XKR4: variants seen among roughly 807,000 people sequenced by gnomAD.
XKR4 encodes XK related 4.
In XKR4, 12 loss-of-function variants were observed where a neutral mutation model predicts 53.9. The ratio of observed to expected loss-of-function variants is 0.22; its 90% CI spans 0.14 to 0.36. The LOEUF (loss-of-function observed/expected upper bound fraction) is 0.36. Among genes scored for constraint, XKR4 ranks in the 10% least tolerant of loss-of-function variants. The probability of loss-of-function intolerance (pLI) is 1.00; values close to 1 mark genes in which losing one functional copy is unlikely to be tolerated. For missense variants in XKR4, 799 were observed against 859.5 expected, an observed-to-expected ratio of 0.93 and a Z score of 0.88; for synonymous variants, 354 against 362.4, an observed-to-expected ratio of 0.98 and a Z score of 0.26.
intron 2 of XKR4, among the ~76,000 whole-genome samples, chr8:55,507,323 C>T (rs956768279): frequency 6.6e-6 from 1 of 151,914 alleles, no homozygotes; most frequent in African/African-American, 2.4e-5. Context: ...TGATTCTCAT[C>T]CATTTTCTTT....
chr8:55,311,023 C>T (rs1287010556), intron 1 of XKR4, among the ~76,000 whole-genome samples: 2 of 152,320 alleles, frequency 1.3e-5, no homozygotes, highest in Admixed American at 6.5e-5. Flanking sequence ...AGTCCACACT[C>T]GCATGAATTC....
At chr8:55,200,156 C>T (rs571428584) in intron 1 of XKR4, among the ~76,000 whole-genome samples, 1 of 152,318 alleles carries the variant, frequency 6.6e-6, no homozygotes, top group South Asian at 2.1e-4. Context: ...CAACCTCTGC[C>T]TCCTGGGTTC....
intron 1 of XKR4, among the ~76,000 whole-genome samples, chr8:55,324,396 T>G (rs571468876): frequency 6.6e-6 from 1 of 152,212 alleles, no homozygotes; most frequent in South Asian, 2.1e-4. Flanking sequence ...ACCCAGCATT[T>G]ATTTTCTTTG....
In XKR4 at chr8:55,454,967, T is replaced by A. The variant is rs768181319; in HGVS notation, c.1007-68314T>A. The A allele has an allele frequency of 7.0e-6, 6 of 857,624 alleles. No homozygotes were observed. In the Admixed American group the frequency reaches 7.2e-5, roughly 10 times the overall value. The allele number at this position is 857,624 out of a possible 1,614,324, so 53.1% of individuals were successfully genotyped here. A position where few individuals can be genotyped will look rare whatever the true frequency, so the allele number is the denominator to read the frequency against. On this transcript the variant is annotated intron_variant, in intron 2 of 2. Coordinates refer to ENST00000327381, the MANE Select transcript of XKR4 (RefSeq NM_052898.2). Reference sequence around the variant, plus strand: ...GACAGCAACAAAGAAGGTCGGTGGATTCCTCTCGGGACACATCTGCCACCC... The same window carrying A: ...GACAGCAACAAAGAAGGTCGGTGGAATCCTCTCGGGACACATCTGCCACCC...
chr8:55,493,451 C>T (rs1181119661), intron 2 of XKR4, among the ~76,000 whole-genome samples: 1 of 152,180 alleles, frequency 6.6e-6, no homozygotes, highest in African/African-American at 2.4e-5. Context: ...CTATCTTCTT[C>T]CCACATTTAA....
chr8:55,163,067 T>A (rs1229467766), intron 1 of XKR4, among the ~76,000 whole-genome samples: 2 of 152,258 alleles, frequency 1.3e-5, no homozygotes, highest in African/African-American at 4.8e-5. Flanking sequence ...GCCTTGCCTG[T>A]CACGAGGCAA....
chr8:55,490,824 A>ATGCTTGTGGTTTGTTTTTTC (rs1217305600), intron 2 of XKR4, among the ~76,000 whole-genome samples: 1 of 152,016 alleles, frequency 6.6e-6, no homozygotes, highest in Non-Finnish European at 1.5e-5. Flanking sequence ...GCGCACGCGC[A>ATGCTTGTGGTTTGTTTTTTC]TGCTTGTGGT....
chr8:55,521,002 T>C (rs1281520738), intron 2 of XKR4: 1 of 152,300 alleles, frequency 6.6e-6, no homozygotes, highest in Admixed American at 6.5e-5. Flanking sequence ...AGAACCATTC[T>C]GACCACCCCG....
chr8:55,292,189 A>G (rs1342313763), intron 1 of XKR4, among the ~76,000 whole-genome samples: 1 of 152,154 alleles, frequency 6.6e-6, no homozygotes. Context: ...TACTAGCTTT[A>G]TAAAATGAAC....
Position 55,222,812 on chromosome 8 carries a change from A to G in XKR4, c.806+119518A>G, listed in dbSNP as rs546893665. Among the ~76,000 whole-genome samples, 47 of 152,230 alleles carry G rather than the reference A, an allele frequency of 3.1e-4. 2 individuals are homozygous for G. In the South Asian group the frequency reaches 8.7e-3, roughly 28 times the overall value. On this transcript the variant is annotated intron_variant, in intron 1 of 2. Transcript: ENST00000327381. ...CTGTCAATTTTGTGTAAATGATTAT[A>G]GCTAATATATTTAAAGGAGGGGATT...
chr8:55,341,001 G>C (rs906212752), intron 1 of XKR4, among the ~76,000 whole-genome samples: 2 of 152,148 alleles, frequency 1.3e-5, no homozygotes, highest in African/African-American at 4.8e-5. Context: ...CCATTCTGGG[G>C]TGTTTGAGCA....
chr8:55,334,743 G>T (rs553717027), intron 1 of XKR4, among the ~76,000 whole-genome samples: 20 of 152,178 alleles, frequency 1.3e-4, no homozygotes, highest in Non-Finnish European at 2.9e-4. Context: ...CAGATAATGT[G>T]TGGGCCATTG....
intron 2 of XKR4, among the ~76,000 whole-genome samples, chr8:55,499,220 G>A (rs1192277334): frequency 6.6e-6 from 1 of 152,202 alleles, no homozygotes; most frequent in Non-Finnish European, 1.5e-5. Context: ...GCTATGCTAA[G>A]ATAATGTATG....
At chr8:55,405,619 A>G (rs1166884449) in intron 2 of XKR4, among the ~76,000 whole-genome samples, 1 of 152,210 alleles carries the variant, frequency 6.6e-6, no homozygotes. Context: ...GAATCCGCAG[A>G]TTCCATTGAT....
intron 2 of XKR4, among the ~76,000 whole-genome samples, chr8:55,480,135 T>A (rs2929025): frequency 6.2e-4 from 95 of 152,016 alleles, no homozygotes; most frequent in African/African-American, 2.2e-3. Context: ...TGATGAACAT[T>A]GATGCAAAAA....
chr8:55,242,105 A>C lies in XKR4; in HGVS notation c.807-115573A>C, dbSNP rs1818218314. On this transcript the variant is annotated intron_variant, in intron 1 of 2. Transcript: ENST00000327381. Reference sequence around the variant, plus strand: ...CTATGAATGCAGCTCATATTCATTCATATATTCACTATTAAATAAATACTT... The same window carrying C: ...CTATGAATGCAGCTCATATTCATTCCTATATTCACTATTAAATAAATACTT... 2.6e-5 allele frequency among the ~76,000 whole-genome samples: 4 copies of C among 152,198 alleles called. No individual in the cohort carries two copies. The South Asian group carries it at 8.3e-4, about 32-fold the overall frequency.
intron 1 of XKR4, among the ~76,000 whole-genome samples, chr8:55,331,621 G>A (rs1803385761): frequency 6.6e-6 from 1 of 152,100 alleles, no homozygotes; most frequent in Admixed American, 6.6e-5. Context: ...TATTTAGGAA[G>A]TCTGATGCTT....
intron 1 of XKR4, among the ~76,000 whole-genome samples, chr8:55,212,010 TG>T (rs1397546854): frequency 6.7e-6 from 1 of 149,678 alleles, no homozygotes; most frequent in Admixed American, 6.7e-5. Flanking sequence ...CCCAAGGGGG[TG>T]GAGGGGCAGG....
intron 2 of XKR4, among the ~76,000 whole-genome samples, chr8:55,375,774 T>C (rs910769826): frequency 2.0e-5 from 3 of 152,076 alleles, no homozygotes; most frequent in Non-Finnish European, 4.4e-5. Flanking sequence ...ATGTGCAGGT[T>C]TTTATACAGG....
Sources: gnomAD v4.1 joint callset for allele counts (sites outside exome capture counted in the v4.1 genomes callset) on GRCh38, gnomAD v4.1.1 for gene constraint, MANE v1.5 for transcripts, NCBI Gene and HGNC (gene_info 2026-07-23, HGNC 2026-07-21) for gene names.